CFAP61: variants seen among roughly 807,000 people sequenced by gnomAD.
CFAP61 encodes the protein cilia and flagella associated protein 61.
A neutral mutation model predicts 135.6 loss-of-function variants in CFAP61; 107 were observed. The observed-to-expected ratio is 0.79, with a 90% CI of 0.67 to 0.93. CFAP61 has a LOEUF of 0.93. Among genes scored for constraint, CFAP61 ranks in the 40% least tolerant of loss-of-function variants. CFAP61 has a pLI of 0.00. For synonymous variants in CFAP61, 575 were observed against 578.5 expected (o/e 0.99, Z 0.09); for missense variants, 1,507 against 1,556.2 (o/e 0.97, Z 0.53).
chr20:20,343,724 G>C (rs1333575534), intron 26 of CFAP61, among the ~76,000 whole-genome samples: 1 of 152,138 alleles, frequency 6.6e-6, no homozygotes. Flanking sequence ...TCAAAACTCT[G>C]TGCCTCCGTC....
At chr20:20,147,940 T>C (rs972223552) in intron 9 of CFAP61, among the ~76,000 whole-genome samples, 10 of 152,180 alleles carry the variant, frequency 6.6e-5, no homozygotes, top group African/African-American at 2.4e-4. Flanking sequence ...AGGTGAGAGA[T>C]GAGTATCCAG....
intron 6 of CFAP61, among the ~76,000 whole-genome samples, chr20:20,084,162 C>G (rs1172142808): frequency 1.3e-5 from 2 of 152,192 alleles, no homozygotes; most frequent in Non-Finnish European, 2.9e-5. Flanking sequence ...CATTCTCTAT[C>G]ACTACCACTA....
chr20:20,135,837 G>A (rs2050883632), intron 8 of CFAP61, among the ~76,000 whole-genome samples: 1 of 152,066 alleles, frequency 6.6e-6, no homozygotes, highest in Non-Finnish European at 1.5e-5. Context: ...AATGAGTTTT[G>A]TATCTTCAGA....
intron 21 of CFAP61, among the ~76,000 whole-genome samples, chr20:20,269,238 TAC>T (rs66738897): frequency 0.028 from 3,430 of 124,534 alleles, 311 homozygotes; most frequent in Non-Finnish European, 0.037. Flanking sequence ...TGTATATATA[TAC>T]ACGTATATGT....
chr20:20,199,626 A>C, intron 16 of CFAP61, 142 bp from the exon 17 acceptor site: 1 of 766,948 alleles, frequency 1.3e-6, no homozygotes, highest in Non-Finnish European at 2.1e-6. Context: ...CTCGAAGAGT[A>C]TGTTTGTTTA....
chr20:20,186,415 A>C (rs1300205601), intron 13 of CFAP61, among the ~76,000 whole-genome samples: 1 of 152,192 alleles, frequency 6.6e-6, no homozygotes, highest in African/African-American at 2.4e-5. Context: ...CTGTTTATCC[A>C]TTCATCAATT....
chr20:20,085,454 T>C (rs2046730914), intron 6 of CFAP61: 2 of 1,365,868 alleles, frequency 1.5e-6, no homozygotes, highest in African/African-American at 2.9e-5. Context: ...TTATCCATTT[T>C]GGGAAAGGGC....
At chr20:20,292,920 G>C (rs1473869380) in intron 24 of CFAP61, among the ~76,000 whole-genome samples, 1 of 152,174 alleles carries the variant, frequency 6.6e-6, no homozygotes, top group African/African-American at 2.4e-5. Context: ...AAGGGGTGGG[G>C]AATAGAGAAT....
intron 9 of CFAP61, among the ~76,000 whole-genome samples, chr20:20,146,057 T>C (rs2051855791): frequency 6.6e-6 from 1 of 152,140 alleles, no homozygotes; most frequent in African/African-American, 2.4e-5. Context: ...TCCCATCAAA[T>C]GTGACACACT....
At chr20:20,240,113 A>G (rs1046905272) in intron 18 of CFAP61, among the ~76,000 whole-genome samples, 2 of 152,220 alleles carry the variant, frequency 1.3e-5, no homozygotes, top group African/African-American at 2.4e-5. Flanking sequence ...GTTTGGGCAC[A>G]TATTAAATTT....
chr20:20,192,904 T>C (rs2056027223), intron 15 of CFAP61, among the ~76,000 whole-genome samples: 1 of 152,146 alleles, frequency 6.6e-6, no homozygotes, highest in African/African-American at 2.4e-5. Flanking sequence ...GGAGAGTTTT[T>C]CAGCTGATTC....
intron 7 of CFAP61, among the ~76,000 whole-genome samples, chr20:20,096,100 T>C (rs754088793): frequency 5.3e-5 from 8 of 152,152 alleles, no homozygotes; most frequent in Non-Finnish European, 1.2e-4. Context: ...GGAAGATAGA[T>C]AACAGCCAGC....
intron 18 of CFAP61, among the ~76,000 whole-genome samples, chr20:20,239,290 G>A (rs977421170): frequency 4.6e-5 from 7 of 152,056 alleles, no homozygotes; most frequent in East Asian, 3.9e-4. Flanking sequence ...CTGCTAAATC[G>A]GATTATAGAG....
chr20:20,308,463 T>G (rs1601932781), intron 25 of CFAP61, among the ~76,000 whole-genome samples: 1 of 46,952 alleles, frequency 2.1e-5, no homozygotes, highest in Non-Finnish European at 4.3e-5. Flanking sequence ...GGAAGGGGGC[T>G]GGTGTGGGGG....
chr20:20,299,925 G>C (rs1044442043), intron 25 of CFAP61, among the ~76,000 whole-genome samples: 1 of 152,208 alleles, frequency 6.6e-6, no homozygotes, highest in Non-Finnish European at 1.5e-5. Flanking sequence ...GAACATGCAC[G>C]TCTTCAACTT....
In CFAP61 at chr20:20,123,971, GTTTTTTT is replaced by G. The variant is rs35528584; in HGVS notation, c.860-18870_860-18864del. ...CCTTCTTGGTTATGTATATTCCTAAGTTTTTTTTTTTTTTTTTTTTTTGCATGCTATT... is the reference window on the plus strand; with the variant it reads ...CCTTCTTGGTTATGTATATTCCTAAGTTTTTTTTTTTTTTTGCATGCTATT... On this transcript the variant is annotated intron_variant, in intron 8 of 26. Transcript: ENST00000245957. 1.3e-3 allele frequency among the ~76,000 whole-genome samples: 83 copies of G among 65,266 alleles called. 1 individual carries two copies. The highest frequency in any genetic ancestry group is 3.5e-3 in the Admixed American group (18 of 5,192). The allele number at this position is 65,266 out of a possible 152,430, so 42.8% of individuals were successfully genotyped here.
intron 7 of CFAP61, among the ~76,000 whole-genome samples, chr20:20,092,355 T>C (rs1005906517): frequency 2.0e-5 from 3 of 152,256 alleles, no homozygotes; most frequent in Non-Finnish European, 4.4e-5. Context: ...CCCAGCCTAT[T>C]GGGCCCAAAA....
intron 20 of CFAP61, among the ~76,000 whole-genome samples, chr20:20,259,161 T>C (rs1052126722): frequency 1.3e-5 from 2 of 151,170 alleles, no homozygotes; most frequent in Admixed American, 6.6e-5. Context: ...CCTTCTCTCA[T>C]TAAAAATAAA....
At chr20:20,119,696 A>G (rs1000018099) in intron 8 of CFAP61, among the ~76,000 whole-genome samples, 8 of 152,106 alleles carry the variant, frequency 5.3e-5, no homozygotes, top group African/African-American at 9.7e-5. Flanking sequence ...TACATAGGTA[A>G]ACTCATGTCA....
Sources: gnomAD v4.1 joint callset for allele counts (sites outside exome capture counted in the v4.1 genomes callset) on GRCh38, gnomAD v4.1.1 for gene constraint, MANE v1.5 for transcripts, NCBI Gene and HGNC (gene_info 2026-07-23, HGNC 2026-07-21) for gene names.